DNAH14: variants seen among roughly 807,000 people sequenced by gnomAD.
DNAH14 encodes dynein axonemal heavy chain 14, also known as axonemal beta dynein heavy chain 14.
In DNAH14, 478 loss-of-function variants were observed where a neutral mutation model predicts 520.9. That is an observed-to-expected ratio of 0.92 (90% CI 0.85 to 0.99). The LOEUF is 0.99. Ranked by LOEUF, DNAH14 falls within the 50% of genes least tolerant of loss-of-function variation. The pLI, the probability that DNAH14 is intolerant of heterozygous loss-of-function variation, is 0.00. For missense variants in DNAH14, 4,831 were observed against 5,234.5 expected (o/e 0.92, Z 2.38); for synonymous variants, 1,581 against 1,757.2 (o/e 0.90, Z 2.51).
intron 16 of DNAH14, 52 bp downstream of exon 16, chr1:225,050,428 C>A: frequency 6.8e-7 from 1 of 1,463,072 alleles, no homozygotes; most frequent in Non-Finnish European, 9.1e-7. Flanking sequence ...CAGAAACCCA[C>A]TGAATTCTTA....
chr1:225,235,354 C>T (rs2091498610), intron 42 of DNAH14, among the ~76,000 whole-genome samples: 1 of 152,104 alleles, frequency 6.6e-6, no homozygotes, highest in Non-Finnish European at 1.5e-5. Context: ...TATTGATTTG[C>T]ATATTTTGAA....
Position 225,075,025 on chromosome 1 carries a change from C to T in DNAH14, c.2425-4182C>T, listed in dbSNP as rs114799678. 5.6e-3 allele frequency among the ~76,000 whole-genome samples: 855 copies of T among 152,298 alleles called. 5 individuals carry two copies. Among genetic ancestry groups the T allele is most frequent in the Non-Finnish European group, 8.8e-3 (599 of 68,030 alleles). Reference sequence around the variant, plus strand: ...CATTGCAGTTACTTTTGCTGGAAAGCCTGGAGCTGGACTATCTAAAGCTCC... The same window carrying T: ...CATTGCAGTTACTTTTGCTGGAAAGTCTGGAGCTGGACTATCTAAAGCTCC... On this transcript the variant is annotated intron_variant, in intron 17 of 85. Coordinates refer to ENST00000682510, the MANE Select transcript of DNAH14 (RefSeq NM_001367479.1).
chr1:225,377,009 A>T (rs2095709505), intron 78 of DNAH14, among the ~76,000 whole-genome samples: 1 of 151,858 alleles, frequency 6.6e-6, no homozygotes, highest in Admixed American at 6.6e-5. Context: ...AAAGAAAGTT[A>T]TACATGCATA....
intron 18 of DNAH14, 32 bp downstream of exon 18, chr1:225,079,580 T>C: frequency 6.7e-7 from 1 of 1,482,148 alleles, no homozygotes. Flanking sequence ...GGATTTTTTT[T>C]TTATTAAAAA....
At chr1:225,185,592 A>G (rs1431712843) in intron 37 of DNAH14, among the ~76,000 whole-genome samples, 167 bp downstream of exon 37, 2 of 152,000 alleles carry the variant, frequency 1.3e-5, no homozygotes, top group African/African-American at 4.8e-5. Flanking sequence ...TTAAATCTCA[A>G]ACTGATCATT....
intron 23 of DNAH14, among the ~76,000 whole-genome samples, chr1:225,109,833 A>T (rs1229954133): frequency 6.6e-6 from 1 of 152,172 alleles, no homozygotes; most frequent in Non-Finnish European, 1.5e-5. Flanking sequence ...ATTTAGTGTG[A>T]TACTAGCTGT....
At position 225,338,326 on chromosome 1, in the gene DNAH14, T is replaced by G. The variant is rs1407017092; in HGVS notation, c.10433+144T>G. The G allele has an allele frequency of 2.8e-6, 3 of 1,065,924 alleles. No individual in the cohort carries two copies. In the Admixed American group the frequency reaches 6.0e-5, roughly 21 times the overall value. The allele number at this position is 1,065,924 out of a possible 1,614,324, so 66.0% of individuals were successfully genotyped here. ...TGGAATATTCTTTTTGTTTTTGTGTTGGCAGTAGTATTCATCAGTATACAG... is the reference window on the plus strand; with the variant it reads ...TGGAATATTCTTTTTGTTTTTGTGTGGGCAGTAGTATTCATCAGTATACAG... On this transcript the variant is annotated intron_variant, in intron 68 of 85. Transcript: ENST00000682510.
At chr1:225,099,627 G>A (rs1169247777) in intron 22 of DNAH14, among the ~76,000 whole-genome samples, 1 of 152,042 alleles carries the variant, frequency 6.6e-6, no homozygotes, top group Non-Finnish European at 1.5e-5. Flanking sequence ...CATAGTAGGG[G>A]TTTCCAAGCT....
At chr1:224,933,824 C>T (rs2058850310) in intron 1 of DNAH14, among the ~76,000 whole-genome samples, 1 of 151,872 alleles carries the variant, frequency 6.6e-6, no homozygotes, top group Non-Finnish European at 1.5e-5. Flanking sequence ...GATTTGGTTT[C>T]CTAGTATTTT....
At chr1:225,012,806 TC>T (rs1558679222) in intron 10 of DNAH14, among the ~76,000 whole-genome samples, 1 of 152,222 alleles carries the variant, frequency 6.6e-6, no homozygotes, top group African/African-American at 2.4e-5. Context: ...GTTTTTCAGC[TC>T]CGTCAGGTCA....
At chr1:225,355,067 G>C (rs183671595) in intron 73 of DNAH14, among the ~76,000 whole-genome samples, 31 of 149,824 alleles carry the variant, frequency 2.1e-4, no homozygotes, top group African/African-American at 7.5e-4. Context: ...AATTCATTTG[G>C]CTTGCTGTAA....
At chr1:225,343,521 T>G (rs1380536339) in intron 69 of DNAH14, among the ~76,000 whole-genome samples, 1 of 152,184 alleles carries the variant, frequency 6.6e-6, no homozygotes, top group African/African-American at 2.4e-5. Flanking sequence ...GGAGAATTTT[T>G]AAGAGAAATA....
In DNAH14 at chr1:225,399,050, A is replaced by T. The variant is rs186033654; in HGVS notation, c.13639-4A>T. 5,193 of 1,388,270 alleles carry T rather than the reference A, an allele frequency of 3.7e-3. 34 individuals carry two copies. The highest frequency in any genetic ancestry group is 0.027 in the East Asian group (1,021 of 38,374). 86.0% of individuals were successfully genotyped at this position (1,388,270 alleles called of 1,614,324 possible). On this transcript the variant is annotated splice_region_variant and splice_polypyrimidine_tract_variant and intron_variant, in intron 85 of 85. Coordinates refer to ENST00000682510, the MANE Select transcript of DNAH14 (RefSeq NM_001367479.1). ...TGACTACTGGATTTTTTTTTTTTTT[A>T]AAGATTTCTACCAAAACACCAAATG...
At chr1:225,058,967 T>G (rs3105574) in intron 17 of DNAH14, among the ~76,000 whole-genome samples, 129,517 of 152,062 alleles carry the variant, frequency 0.85, 58,725 homozygotes, top group Non-Finnish European at 1. Context: ...GGTCAATTTT[T>G]GAATAGGTGT....
At chr1:225,296,089 A>C (rs916521191) in intron 55 of DNAH14, among the ~76,000 whole-genome samples, 4 of 152,070 alleles carry the variant, frequency 2.6e-5, no homozygotes, top group African/African-American at 9.7e-5. Context: ...TTTGCATGGA[A>C]TATCTTTTTC....
rs1023186019 is a variant in DNAH14 at position 224,964,599 on chromosome 1, T to C, written c.488T>C (p.Ile163Thr). ...AGCTCCAAAATTGCAATTCAGAAGA[T>C]TACTTTAAAGGTATTGTTCTATTTT... ...YGSSKIAIQK[I>T]TLKKPLEDDG... Residue 163 changes from isoleucine to threonine, a missense_variant, in exon 5 of 86, where the codon ATT becomes ACT. Ile to Thr is a moderately conservative substitution (Grantham distance 89). Coordinates refer to ENST00000682510, the MANE Select transcript of DNAH14 (RefSeq NM_001367479.1). 1 of 1,599,146 alleles carries C rather than the reference T, an allele frequency of 6.3e-7. No individual in the cohort carries two copies. Among genetic ancestry groups the C allele is most frequent in the Non-Finnish European group, 8.5e-7 (1 of 1,171,834 alleles).
At chr1:225,395,397 T>G (rs898207458) in intron 84 of DNAH14, among the ~76,000 whole-genome samples, 18 of 152,088 alleles carry the variant, frequency 1.2e-4, no homozygotes, top group Non-Finnish European at 1.8e-4. Flanking sequence ...ATCGAGACCA[T>G]CCTGGCTAAC....
At chr1:225,285,421 A>C (rs1215258540) in intron 54 of DNAH14, among the ~76,000 whole-genome samples, 1 of 152,036 alleles carries the variant, frequency 6.6e-6, no homozygotes, top group Non-Finnish European at 1.5e-5. Context: ...GGTGGCACAC[A>C]CCTGTAATCT....
chr1:225,103,424 A>G (rs1329805093), intron 23 of DNAH14, among the ~76,000 whole-genome samples: 3 of 152,180 alleles, frequency 2.0e-5, no homozygotes, highest in Admixed American at 2.0e-4. Flanking sequence ...CAATTCTGTG[A>G]AGAAAGTCAT....
Sources: allele counts gnomAD v4.1 joint callset (sites outside exome capture counted in the v4.1 genomes callset), GRCh38; gene constraint gnomAD v4.1.1; transcripts MANE v1.5; gene names NCBI Gene and HGNC (gene_info 2026-07-23, HGNC 2026-07-21).